Variants in GPC6 observed in about 807,000 individuals in gnomAD.
GPC6 encodes the protein glypican 6.
GPC6 carries 14 observed loss-of-function variants against 55.2 expected under a neutral mutation model. The observed-to-expected ratio is 0.25, with a 90% confidence interval of 0.17 to 0.40. GPC6 has a LOEUF of 0.40. Ranked by LOEUF, GPC6 falls within the 10% of genes least tolerant of loss-of-function variation. GPC6 has a pLI of 1.00. For synonymous variants in GPC6, 278 were observed against 259.6 expected, an observed-to-expected ratio of 1.07 and a Z score of -0.68; for missense variants, 641 against 708.5, an observed-to-expected ratio of 0.90 and a Z score of 1.08.
At chr13:94,069,988 C>T (rs1884667196) in intron 4 of GPC6, among the ~76,000 whole-genome samples, 1 of 152,178 alleles carries the variant, frequency 6.6e-6, no homozygotes, top group Non-Finnish European at 1.5e-5. Flanking sequence ...AGCAGTGCCC[C>T]ACTCTACTGC....
Position 94,386,292 on chromosome 13 carries a change from A to G in GPC6, c.1289+3742A>G, listed in dbSNP as rs569837453. ...GGAGAATGGCATGAGCCTGGGAGGC[A>G]GAGCTTGCAGTGAGCAGAGATCACA... On this transcript the variant is annotated intron_variant, in intron 7 of 8. Coordinates refer to ENST00000377047, the MANE Select transcript of GPC6 (RefSeq NM_005708.5). 4.9e-3 allele frequency among the ~76,000 whole-genome samples: 741 copies of G among 152,014 alleles called. 2 individuals carry two copies. The highest frequency in any genetic ancestry group is 7.0e-3 in the Non-Finnish European group (479 of 67,952).
intron 4 of GPC6, among the ~76,000 whole-genome samples, chr13:94,056,554 G>A (rs1177056844): frequency 6.6e-6 from 1 of 152,166 alleles, no homozygotes; most frequent in Non-Finnish European, 1.5e-5. Flanking sequence ...CGAGCCTCTG[G>A]GTAGGACTGG....
At chr13:93,760,112 A>C (rs1195988010) in intron 2 of GPC6, among the ~76,000 whole-genome samples, 1 of 152,120 alleles carries the variant, frequency 6.6e-6, no homozygotes, top group Non-Finnish European at 1.5e-5. Flanking sequence ...GGTATTAATG[A>C]AATTGATTTT....
At chr13:93,331,767 C>T (rs573970047) in intron 1 of GPC6, among the ~76,000 whole-genome samples, 3 of 152,080 alleles carry the variant, frequency 2.0e-5, no homozygotes, top group Non-Finnish European at 4.4e-5. Flanking sequence ...TAATGGTTAA[C>T]TGTAGTCACC....
At chr13:94,176,528 C>T (rs1304787499) in intron 4 of GPC6, among the ~76,000 whole-genome samples, 1 of 152,112 alleles carries the variant, frequency 6.6e-6, no homozygotes, top group Non-Finnish European at 1.5e-5. Flanking sequence ...AACGAGTGAC[C>T]TTGATATTGT....
chr13:93,355,949 G>C (rs1324440478), intron 1 of GPC6, among the ~76,000 whole-genome samples: 2 of 152,142 alleles, frequency 1.3e-5, no homozygotes, highest in Non-Finnish European at 2.9e-5. Context: ...GTGGATGGAG[G>C]CTCTGTGATA....
At chr13:93,800,271 A>G (rs528036823) in intron 2 of GPC6, among the ~76,000 whole-genome samples, 122 of 152,300 alleles carry the variant, frequency 8.0e-4, no homozygotes, top group African/African-American at 2.9e-3. Context: ...CATTGCTACC[A>G]TTTGATACAT....
intron 2 of GPC6, among the ~76,000 whole-genome samples, chr13:93,730,309 A>C (rs1255650124): frequency 6.6e-6 from 1 of 152,166 alleles, no homozygotes. Flanking sequence ...ATATTAAGGA[A>C]TGTTCTAGCT....
At chr13:93,418,898 C>T (rs1830787) in intron 1 of GPC6, among the ~76,000 whole-genome samples, 17,955 of 150,060 alleles carry the variant, frequency 0.12, 1,162 homozygotes, top group South Asian at 0.14. Context: ...ATTAATGGCA[C>T]GATACCATAG....
chr13:93,935,073 A>C (rs1473988192), intron 3 of GPC6, among the ~76,000 whole-genome samples: 1 of 152,198 alleles, frequency 6.6e-6, no homozygotes, highest in East Asian at 1.9e-4. Context: ...TTTACTTGTT[A>C]ATACGGCCTC....
At chr13:94,029,642 G>A (rs774016774) in intron 4 of GPC6, among the ~76,000 whole-genome samples, 8 of 152,170 alleles carry the variant, frequency 5.3e-5, no homozygotes, top group Admixed American at 1.3e-4. Context: ...TCCTAGCACA[G>A]TTCAGTTGGC....
intron 1 of GPC6, among the ~76,000 whole-genome samples, chr13:93,237,676 A>G (rs1594045563): frequency 6.6e-6 from 1 of 152,058 alleles, no homozygotes; most frequent in Non-Finnish European, 1.5e-5. Context: ...CTTAGGTTTC[A>G]TTCTATAATT....
chr13:94,205,955 G>A (rs1043726867), intron 4 of GPC6, among the ~76,000 whole-genome samples: 1 of 152,170 alleles, frequency 6.6e-6, no homozygotes, highest in Non-Finnish European at 1.5e-5. Flanking sequence ...ACATTTGTGT[G>A]TAGGGTGCTG....
Position 93,797,463 on chromosome 13 carries a change from G to A in GPC6, c.320-32691G>A, listed in dbSNP as rs775344590. Among the ~76,000 whole-genome samples the A allele has an allele frequency of 4.6e-5, 7 of 152,170 alleles. No individual in the cohort carries two copies. In the South Asian group the frequency reaches 6.2e-4, roughly 14 times the overall value. ...CTCAATCTCCTCTTCTATAATTTGAGAGGCTTGGAAGCTTCTTCCAGACCT... is the reference window on the plus strand; with the variant it reads ...CTCAATCTCCTCTTCTATAATTTGAAAGGCTTGGAAGCTTCTTCCAGACCT... On this transcript the variant is annotated intron_variant, in intron 2 of 8. Transcript: ENST00000377047.
intron 4 of GPC6, among the ~76,000 whole-genome samples, chr13:94,133,074 C>A (rs971463649): frequency 2.0e-5 from 3 of 151,814 alleles, no homozygotes; most frequent in African/African-American, 4.8e-5. Context: ...AATGTTGATT[C>A]TCATTCTGGG....
intron 2 of GPC6, among the ~76,000 whole-genome samples, chr13:93,705,111 A>C (rs9524173): frequency 0.19 from 29,598 of 151,910 alleles, 3,482 homozygotes; most frequent in Middle Eastern, 0.36. Context: ...GGTACATAAA[A>C]TATGAATCAG....
chr13:93,353,752 G>A (rs575018407), intron 1 of GPC6, among the ~76,000 whole-genome samples: 22 of 152,256 alleles, frequency 1.4e-4, no homozygotes, highest in Non-Finnish European at 2.5e-4. Flanking sequence ...TAAGTTGGGC[G>A]GAAATCCTTG....
rs1875894802 is a variant in GPC6, at chr13:93,397,290, T to C, written c.161-147973T>C. Among the ~76,000 whole-genome samples the C allele has an allele frequency of 2.0e-5, 3 of 152,322 alleles. No homozygotes were observed. In the South Asian group the frequency reaches 6.2e-4, roughly 32 times the overall value. On this transcript the variant is annotated intron_variant, in intron 1 of 8. Coordinates refer to ENST00000377047, the MANE Select transcript of GPC6 (RefSeq NM_005708.5). ...ATCAGCAATGTACAAAGGTTCCAAT[T>C]TATCCACATCCTTGTCAACACTTGT...
chr13:94,267,713 G>A (rs1016206265), intron 4 of GPC6, among the ~76,000 whole-genome samples: 1 of 152,152 alleles, frequency 6.6e-6, no homozygotes, highest in Non-Finnish European at 1.5e-5. Flanking sequence ...CCACTCTAAA[G>A]GTGACTGCTT....
Sources: allele counts gnomAD v4.1 joint callset (sites outside exome capture counted in the v4.1 genomes callset), GRCh38; gene constraint gnomAD v4.1.1; transcripts MANE v1.5; gene names NCBI Gene and HGNC (gene_info 2026-07-23, HGNC 2026-07-21).